Variants in L2HGDH observed in about 807,000 individuals in gnomAD.
L2HGDH encodes the protein L-2-hydroxyglutarate dehydrogenase, mitochondrial.
Under a neutral mutation model 51.5 loss-of-function variants are expected in L2HGDH, and 34 were observed. The observed-to-expected ratio is 0.66, with a 90% CI of 0.50 to 0.88. The LOEUF (loss-of-function observed/expected upper bound fraction) is 0.88, where lower values mean the gene tolerates loss of function less well. L2HGDH is among the 40% of genes least tolerant of loss of function. The probability of loss-of-function intolerance (pLI) is 0.00; values close to 1 mark genes in which losing one functional copy is unlikely to be tolerated. For missense variants in L2HGDH, 558 were observed against 571.9 expected, an observed-to-expected ratio of 0.98 and a Z score of 0.25; for synonymous variants, 198 against 197.9, an observed-to-expected ratio of 1.00 and a Z score of -0.01.
intron 9 of L2HGDH, among the ~76,000 whole-genome samples, chr14:50,255,808 G>A (rs547084229): frequency 7.9e-5 from 12 of 151,868 alleles, no homozygotes; most frequent in African/African-American, 2.7e-4. Context: ...GGGGTGGATC[G>A]CTTGAGGTCA....
At chr14:50,290,182 G>A (rs904974035) in intron 4 of L2HGDH, among the ~76,000 whole-genome samples, 25 of 152,064 alleles carry the variant, frequency 1.6e-4, no homozygotes, top group African/African-American at 6.0e-4. Context: ...CAGGAGAATG[G>A]CGTGAACCCA....
chr14:50,262,655 T>C (rs991472765), intron 9 of L2HGDH, among the ~76,000 whole-genome samples: 1 of 152,074 alleles, frequency 6.6e-6, no homozygotes, highest in Non-Finnish European at 1.5e-5. Context: ...ACTCCCCTGC[T>C]CATTTTTATT....
chr14:50,258,653 A>G (rs1888815305), intron 9 of L2HGDH, among the ~76,000 whole-genome samples: 1 of 151,922 alleles, frequency 6.6e-6, no homozygotes, highest in Non-Finnish European at 1.5e-5. Flanking sequence ...AGGTGGGACT[A>G]CAGGAACATG....
chr14:50,256,597 T>C (rs1888680497), intron 9 of L2HGDH, among the ~76,000 whole-genome samples: 1 of 152,138 alleles, frequency 6.6e-6, no homozygotes, highest in Non-Finnish European at 1.5e-5. Flanking sequence ...GTCTTAACTA[T>C]TAAATACATT....
chr14:50,267,261 C>T (rs1156616018), intron 8 of L2HGDH, among the ~76,000 whole-genome samples: 7 of 151,912 alleles, frequency 4.6e-5, no homozygotes, highest in Admixed American at 4.6e-4. Context: ...CAGCTCACTG[C>T]AAGCTCTGCC....
rs375907921 is a variant in L2HGDH at position 50,301,972 on chromosome 14, A to G, written c.408+45T>C. The G allele has an allele frequency of 4.1e-4, 660 of 1,595,292 alleles. 7 individuals are homozygous for G. Among genetic ancestry groups the G allele is most frequent in the South Asian group, 2.8e-3 (252 of 90,676 alleles). On this transcript the variant is annotated intron_variant, in intron 3 of 9. Transcript: ENST00000267436. ...AATGTAATATTAAACATCACTAAGC[A>G]AATGCTAGTTGGAAATTAGTCAAGG...
At chr14:50,289,274 T>G (rs554731884) in intron 4 of L2HGDH, among the ~76,000 whole-genome samples, 105 of 152,232 alleles carry the variant, frequency 6.9e-4, no homozygotes, top group African/African-American at 2.5e-3. Flanking sequence ...TAAAAAAGAC[T>G]GATATGCCTT....
At chr14:50,248,976 G>C (rs1420355421) in intron 9 of L2HGDH, among the ~76,000 whole-genome samples, 1 of 152,194 alleles carries the variant, frequency 6.6e-6, no homozygotes, top group East Asian at 1.9e-4. Flanking sequence ...ATGTGGTGTG[G>C]AGACAGAACC....
Position 50,247,049 on chromosome 14 carries a change from T to C in L2HGDH, c.*9A>G, listed in dbSNP as rs759328143. 3.7e-6 allele frequency: 6 copies of C among 1,611,844 alleles called. No individual in the cohort carries two copies. Among genetic ancestry groups the C allele is most frequent in the Non-Finnish European group, 4.2e-6 (5 of 1,178,780 alleles). ...AAGATTACAGTGCATACCTAGCTCC[T>C]TTCATTATTTATAATTCAAATCTTT... On this transcript the variant is annotated 3_prime_UTR_variant, in exon 10 of 10. Coordinates refer to ENST00000267436, the MANE Select transcript of L2HGDH (RefSeq NM_024884.3).
At position 50,243,629 on chromosome 14, in the gene L2HGDH, C is replaced by A; in HGVS notation, c.*3429G>T. 1 of 725,186 alleles carries A rather than the reference C, an allele frequency of 1.4e-6. No homozygotes were observed. Among genetic ancestry groups the A allele is most frequent in the South Asian group, 6.3e-5 (1 of 15,778 alleles). 44.9% of individuals were successfully genotyped at this position (725,186 alleles called of 1,614,324 possible). A position where few individuals can be genotyped will look rare whatever the true frequency, so the allele number is the denominator to read the frequency against. On this transcript the variant is annotated 3_prime_UTR_variant, in exon 10 of 10. Coordinates refer to ENST00000267436, the MANE Select transcript of L2HGDH (RefSeq NM_024884.3). ...ATAACCTACATATTCAAAACACTTT[C>A]AACAAATTTTTCATTTTTATTTTTC...
intron 9 of L2HGDH, among the ~76,000 whole-genome samples, chr14:50,264,046 T>C (rs1461993481): frequency 2.7e-5 from 4 of 150,690 alleles, no homozygotes; most frequent in Admixed American, 6.6e-5. Context: ...AGTGCTGGGA[T>C]TGCAGGTGTG....
intron 3 of L2HGDH, among the ~76,000 whole-genome samples, chr14:50,297,387 T>C (rs199999202): frequency 6.8e-5 from 9 of 133,142 alleles, no homozygotes; most frequent in African/African-American, 8.1e-5. Context: ...CACACACACA[T>C]ACACACACAA....
At chr14:50,248,837 A>T (rs1888164427) in intron 9 of L2HGDH, among the ~76,000 whole-genome samples, 1 of 152,212 alleles carries the variant, frequency 6.6e-6, no homozygotes, top group African/African-American at 2.4e-5. Context: ...ACAAGAACCA[A>T]AAATCAGGTG....
Position 50,269,321 on chromosome 14 carries a change from T to G in L2HGDH, c.748A>C (p.Ile250Leu). Residue 250 changes from isoleucine to leucine, a missense_variant, in exon 7 of 10, where the codon ATT (isoleucine) becomes CTT (leucine). Coordinates refer to ENST00000267436, the MANE Select transcript of L2HGDH (RefSeq NM_024884.3). Reference sequence around the variant, plus strand: ...CATGTCACAACATACTGACATCGAATTTCCTCTCCCTAGTGCAAAATAAAA... The same window carrying G: ...CATGTCACAACATACTGACATCGAAGTTCCTCTCCCTAGTGCAAAATAAAA... The part of the protein sequence containing the change: ...IVIKNTKGEE[I>L]RCQYVVTCAG... 1 of 1,614,010 alleles carries G rather than the reference T, an allele frequency of 6.2e-7. No homozygotes were observed. Among genetic ancestry groups the G allele is most frequent in the South Asian group, 1.1e-5 (1 of 91,084 alleles).
At chr14:50,275,652 G>C (rs948757456) in intron 6 of L2HGDH, among the ~76,000 whole-genome samples, 6 of 152,142 alleles carry the variant, frequency 3.9e-5, no homozygotes, top group Admixed American at 3.9e-4. Flanking sequence ...ACTGGAATGG[G>C]CTTTAGAAGT....
intron 1 of L2HGDH, 43 bp downstream of exon 1, chr14:50,311,968 G>T: frequency 6.5e-7 from 1 of 1,542,632 alleles, no homozygotes; most frequent in East Asian, 2.4e-5. Flanking sequence ...GCCTCCGCGA[G>T]GGGCAGCAGC....
At chr14:50,276,277 A>G (rs112106827) in intron 6 of L2HGDH, among the ~76,000 whole-genome samples, 5 of 152,376 alleles carry the variant, frequency 3.3e-5, no homozygotes, top group African/African-American at 1.2e-4. Flanking sequence ...ATGCTTGCCA[A>G]AGGCAAAGAG....
In L2HGDH at chr14:50,312,093, C is replaced by A. The variant is rs1269324945; in HGVS notation, c.58G>T (p.Ala20Ser). Residue 20 changes from alanine (A) to serine (S), a missense_variant, in exon 1 of 10, where the codon GCC (alanine) becomes TCC (serine). Transcript: ENST00000267436. ...GACGRARGLF[A>S]GGSPGACGFA... ...CCGCACGCCCCAGGGGAGCCACCGG[C>A]GAAAAGCCCGCGGGCCCGTCCGCAG... The A allele has an allele frequency of 6.2e-7, 1 of 1,607,248 alleles. No homozygotes were observed.
rs148375540 is a variant in L2HGDH, at chr14:50,270,581, A to T, written c.739-1251T>A. Among the ~76,000 whole-genome samples the T allele has an allele frequency of 2.9e-3, 435 of 151,922 alleles. 2 individuals carry two copies. In the Middle Eastern group the frequency reaches 0.061, roughly 21 times the overall value. On this transcript the variant is annotated intron_variant, in intron 6 of 9. Transcript: ENST00000267436. ...AGTGCAGTGGCAGCGATCTCGGCTC[A>T]CTGCAAGCTCCACCTCTTGGGTTCA...
Sources: allele counts gnomAD v4.1 joint callset (sites outside exome capture counted in the v4.1 genomes callset), GRCh38; gene constraint gnomAD v4.1.1; transcripts MANE v1.5; gene names NCBI Gene and HGNC (gene_info 2026-07-23, HGNC 2026-07-21).